The following CAMK2B variants were observed in gnomAD, a reference collection of about 807,000 sequenced individuals.
CAMK2B encodes the protein calcium/calmodulin-dependent protein kinase type II subunit beta.
In CAMK2B, 27 loss-of-function variants were observed where a neutral mutation model predicts 93.7. That is an observed-to-expected ratio of 0.29 (90% CI 0.21 to 0.40). CAMK2B has a LOEUF of 0.40. Among genes scored for constraint, CAMK2B ranks in the 10% least tolerant of loss-of-function variants. CAMK2B has a pLI of 1.00. For synonymous variants in CAMK2B, 374 were observed against 358.8 expected (o/e 1.04, Z -0.48); for missense variants, 568 against 895.8 (o/e 0.63, Z 4.67).
intron 14 of CAMK2B, 88 bp downstream of exon 14, chr7:44,234,551 G>T: frequency 6.3e-7 from 1 of 1,593,406 alleles, no homozygotes; most frequent in South Asian, 1.1e-5. Context: ...TGGGGGGAGG[G>T]GGACTCCAGA....
chr7:44,272,100 C>T (rs978836801), intron 2 of CAMK2B, among the ~76,000 whole-genome samples: 6 of 147,472 alleles, frequency 4.1e-5, no homozygotes, highest in Admixed American at 1.3e-4. Context: ...TTCTTTCCGG[C>T]GGGACTTCTC....
intron 6 of CAMK2B, among the ~76,000 whole-genome samples, chr7:44,246,650 T>G (rs1010771225): frequency 2.0e-5 from 3 of 151,110 alleles, no homozygotes; most frequent in African/African-American, 7.3e-5. Flanking sequence ...TGCAGACATA[T>G]GCACTCACAC....
intron 6 of CAMK2B, chr7:44,244,964 C>T (rs1410768883): frequency 1.5e-5 from 7 of 455,948 alleles, no homozygotes; most frequent in South Asian, 6.2e-5. Context: ...GGCCACTGGA[C>T]ATGGTGATTT....
intron 5 of CAMK2B, among the ~76,000 whole-genome samples, chr7:44,251,504 C>A (rs1376927882): frequency 6.6e-6 from 1 of 152,218 alleles, no homozygotes; most frequent in Non-Finnish European, 1.5e-5. Flanking sequence ...GGCTGTCGCA[C>A]CAGCAGGGCC....
At chr7:44,239,085 G>A (rs75079129) in intron 13 of CAMK2B, among the ~76,000 whole-genome samples, 8,640 of 152,326 alleles carry the variant, frequency 0.057, 311 homozygotes, top group South Asian at 0.1. Flanking sequence ...ACTCCAGAGC[G>A]GCTTGTCCTG....
rs183053720 is a variant in CAMK2B at position 44,291,088 on chromosome 7, G to A, written c.66-6863C>T. Among the ~76,000 whole-genome samples the A allele has an allele frequency of 1.4e-3, 213 of 152,244 alleles. 1 individual carries two copies. The highest frequency in any genetic ancestry group is 4.9e-3 in the African/African-American group (203 of 41,544). On this transcript the variant is annotated intron_variant, in intron 1 of 23. Coordinates refer to ENST00000395749, the MANE Select transcript of CAMK2B (RefSeq NM_001220.5). ...ACTTTCTCCTCTCACTATGTCCCCCGCGCTGTTAATGAAGCCTCAACAGTG... is the reference window on the plus strand; with the variant it reads ...ACTTTCTCCTCTCACTATGTCCCCCACGCTGTTAATGAAGCCTCAACAGTG...
At chr7:44,294,577 G>A (rs988406686) in intron 1 of CAMK2B, among the ~76,000 whole-genome samples, 3 of 152,188 alleles carry the variant, frequency 2.0e-5, no homozygotes, top group Admixed American at 2.0e-4. Flanking sequence ...TTGTGATTTA[G>A]AAAGATCTAT....
intron 1 of CAMK2B, among the ~76,000 whole-genome samples, chr7:44,303,748 T>A (rs192814050): frequency 6.6e-6 from 1 of 152,182 alleles, no homozygotes; most frequent in Non-Finnish European, 1.5e-5. Context: ...AATTGATGAA[T>A]TGGACTTAAT....
chr7:44,256,051 C>T (rs1161628130), intron 4 of CAMK2B, among the ~76,000 whole-genome samples: 2 of 152,214 alleles, frequency 1.3e-5, no homozygotes, highest in East Asian at 3.8e-4. Context: ...ACTGGTTCTG[C>T]TGTTCTGTGT....
At chr7:44,246,948 G>A (rs1461929490) in intron 6 of CAMK2B, among the ~76,000 whole-genome samples, 172 bp downstream of exon 6, 2 of 151,724 alleles carry the variant, frequency 1.3e-5, no homozygotes, top group African/African-American at 2.4e-5. Context: ...ACATACACAT[G>A]CACATGCATG....
chr7:44,257,748 C>T (rs983889763), intron 4 of CAMK2B, among the ~76,000 whole-genome samples: 1 of 152,250 alleles, frequency 6.6e-6, no homozygotes, highest in African/African-American at 2.4e-5. Context: ...GTGGCCAAGC[C>T]CCTGCAGGGA....
chr7:44,257,103 A>G (rs897437694), intron 4 of CAMK2B, among the ~76,000 whole-genome samples: 1 of 152,140 alleles, frequency 6.6e-6, no homozygotes, highest in African/African-American at 2.4e-5. Flanking sequence ...CTGGTTCTCA[A>G]GCCCTGTGAC....
intron 13 of CAMK2B, among the ~76,000 whole-genome samples, chr7:44,238,547 G>A (rs907980091): frequency 6.6e-5 from 10 of 152,194 alleles, no homozygotes; most frequent in African/African-American, 1.9e-4. Context: ...CATGGGAGGA[G>A]AATAGACTGC....
chr7:44,226,953 G>GAAGTGGAAGA, intron 19 of CAMK2B, among the ~76,000 whole-genome samples: 1 of 7,016 alleles, frequency 1.4e-4, no homozygotes, highest in Non-Finnish European at 3.2e-4. Flanking sequence ...GGACAGAGGG[G>GAAGTGGAAGA]CATGTGGGGG....
At chr7:44,232,629 G>A (rs540463554) in intron 16 of CAMK2B, among the ~76,000 whole-genome samples, 193 bp downstream of exon 16, 3 of 152,348 alleles carry the variant, frequency 2.0e-5, no homozygotes, top group Non-Finnish European at 2.9e-5. Context: ...CTCCAGGGGC[G>A]CGCCTGGGGC....
At chr7:44,232,171 G>C (rs1483816388) in intron 16 of CAMK2B, among the ~76,000 whole-genome samples, 1 of 142,244 alleles carries the variant, frequency 7.0e-6, no homozygotes, top group Non-Finnish European at 1.5e-5. Context: ...GCACTGGCCA[G>C]AAGGAAGTGG....
intron 5 of CAMK2B, among the ~76,000 whole-genome samples, chr7:44,254,298 G>A (rs866822245): frequency 8.5e-5 from 13 of 152,234 alleles, no homozygotes; most frequent in African/African-American, 3.1e-4. Flanking sequence ...CTCACACTGG[G>A]AGGCCCACAG....
At chr7:44,309,074 G>A (rs1792759015) in intron 1 of CAMK2B, among the ~76,000 whole-genome samples, 1 of 152,218 alleles carries the variant, frequency 6.6e-6, no homozygotes, top group South Asian at 2.1e-4. Flanking sequence ...GCCTGGCCTA[G>A]TAGGCTCCTA....
chr7:44,238,175 C>G (rs1431490505), intron 13 of CAMK2B, among the ~76,000 whole-genome samples: 1 of 152,180 alleles, frequency 6.6e-6, no homozygotes, highest in Admixed American at 6.5e-5. Flanking sequence ...CTGCCTTGTC[C>G]CCTTAGCTGG....
Sources: allele counts gnomAD v4.1 joint callset (sites outside exome capture counted in the v4.1 genomes callset), GRCh38; gene constraint gnomAD v4.1.1; transcripts MANE v1.5; gene names NCBI Gene and HGNC (gene_info 2026-07-23, HGNC 2026-07-21).